The following PCSK2 variants were observed in gnomAD, a reference collection of about 807,000 sequenced individuals.
The protein encoded by PCSK2 is proprotein convertase subtilisin/kexin type 2.
A neutral mutation model predicts 69.7 loss-of-function variants in PCSK2; 14 were observed. That is an observed-to-expected ratio of 0.20 (90% CI 0.13 to 0.31). PCSK2 has a LOEUF of 0.31. Among genes scored for constraint, PCSK2 ranks in the 10% least tolerant of loss-of-function variants. The probability of loss-of-function intolerance (pLI) is 1.00; values close to 1 mark genes in which losing one functional copy is unlikely to be tolerated. For synonymous variants in PCSK2, 307 were observed against 320.7 expected (o/e 0.96, Z 0.46); for missense variants, 544 against 842.5 (o/e 0.65, Z 4.39).
intron 2 of PCSK2, among the ~76,000 whole-genome samples, chr20:17,273,994 C>T (rs1033502024): frequency 6.6e-5 from 10 of 152,144 alleles, no homozygotes; most frequent in African/African-American, 2.4e-4. Flanking sequence ...CACCCATTAG[C>T]GAGAACTAGG....
At chr20:17,433,814 C>CTCTCTCTCTCTCG (rs1555795288) in intron 7 of PCSK2, among the ~76,000 whole-genome samples, 1 of 70,840 alleles carries the variant, frequency 1.4e-5, no homozygotes, top group Admixed American at 1.6e-4. Flanking sequence ...TCTCTCTCTC[C>CTCTCTCTCTCTCG]CCCCACTTCC....
intron 2 of PCSK2, among the ~76,000 whole-genome samples, chr20:17,310,956 C>T (rs1033243482): frequency 6.8e-6 from 1 of 147,134 alleles, no homozygotes; most frequent in South Asian, 2.2e-4. Context: ...GAGCCAAGAT[C>T]GCACCACTGC....
Position 17,268,997 on chromosome 20 carries a change from C to T in PCSK2, c.282+8653C>T, listed in dbSNP as rs115304284. Among the ~76,000 whole-genome samples, 252 of 152,228 alleles carry T rather than the reference C, an allele frequency of 1.7e-3. 1 individual carries two copies. Among genetic ancestry groups the T allele is most frequent in the African/African-American group, 5.8e-3 (240 of 41,534 alleles). On this transcript the variant is annotated intron_variant, in intron 2 of 11. Transcript: ENST00000262545. The stretch of plus-strand genomic sequence containing the variant: ...GCAAAGGTGACTCCTAAGTTGTTGG[C>T]CTGCATTACTATAGAATGAAATGGC...
At chr20:17,473,464 C>G (rs981910044) in intron 11 of PCSK2, among the ~76,000 whole-genome samples, 2 of 152,226 alleles carry the variant, frequency 1.3e-5, no homozygotes, top group Non-Finnish European at 1.5e-5. Context: ...GGCCTGGAAA[C>G]TAACACCCTG....
At chr20:17,332,350 G>C (rs1028228282) in intron 2 of PCSK2, among the ~76,000 whole-genome samples, 2 of 152,098 alleles carry the variant, frequency 1.3e-5, no homozygotes, top group Non-Finnish European at 2.9e-5. Flanking sequence ...CCTCCTGAGT[G>C]GGAGTTGGAG....
intron 1 of PCSK2, among the ~76,000 whole-genome samples, chr20:17,246,524 G>A (rs776426657): frequency 1.2e-4 from 19 of 152,088 alleles, no homozygotes; most frequent in Non-Finnish European, 1.3e-4. Context: ...ACGTAAAAAG[G>A]AGAATGTAAA....
chr20:17,451,915 C>CTT (rs34323701), intron 8 of PCSK2, among the ~76,000 whole-genome samples: 7,784 of 101,510 alleles, frequency 0.077, 643 homozygotes, highest in African/African-American at 0.17. Context: ...TTGTACTTTG[C>CTT]TTTTTTTTTT....
intron 6 of PCSK2, among the ~76,000 whole-genome samples, chr20:17,416,591 A>C (rs1476568374): frequency 6.6e-6 from 1 of 152,238 alleles, no homozygotes; most frequent in Non-Finnish European, 1.5e-5. Context: ...AAATTGGTTC[A>C]ACCATTGTGG....
intron 1 of PCSK2, among the ~76,000 whole-genome samples, chr20:17,259,484 G>A (rs1987297441): frequency 6.6e-6 from 1 of 152,154 alleles, no homozygotes; most frequent in Non-Finnish European, 1.5e-5. Context: ...TAACAGACCT[G>A]AGCCACATCC....
At chr20:17,277,293 G>T (rs1225957088) in intron 2 of PCSK2, among the ~76,000 whole-genome samples, 2 of 152,152 alleles carry the variant, frequency 1.3e-5, no homozygotes, top group Admixed American at 1.3e-4. Context: ...AAAGCTGGAG[G>T]CATCACGCTA....
intron 2 of PCSK2, among the ~76,000 whole-genome samples, chr20:17,335,462 T>TGTGTGTGTGTGTGTGTGTGTG (rs1555789125): frequency 4.0e-5 from 6 of 151,124 alleles, no homozygotes; most frequent in South Asian, 2.1e-4. Flanking sequence ...TGTGTGTGTG[T>TGTGTGTGTGTGTGTGTGTGTG]TCCTTGTCTA....
intron 2 of PCSK2, among the ~76,000 whole-genome samples, chr20:17,264,103 T>A (rs1987499154): frequency 6.6e-6 from 1 of 152,156 alleles, no homozygotes; most frequent in Non-Finnish European, 1.5e-5. Flanking sequence ...TAAGATAATA[T>A]TTGCTTCCCA....
rs994326755 is a variant in PCSK2 at position 17,482,132 on chromosome 20, C to A, written c.*62C>A. On this transcript the variant is annotated 3_prime_UTR_variant, in exon 12 of 12. Coordinates refer to ENST00000262545, the MANE Select transcript of PCSK2 (RefSeq NM_002594.5). The stretch of plus-strand genomic sequence containing the variant: ...CAGCTCCGCCTCTGTCCTCGCTCCA[C>A]GTTTCAGGCAGGCACCTAGCAATTC... 3 of 1,476,562 alleles carry A rather than the reference C, an allele frequency of 2.0e-6. No homozygotes were observed. The African/African-American group carries it at 4.2e-5, about 21-fold the overall frequency. 91.5% of individuals were successfully genotyped at this position (1,476,562 alleles called of 1,614,324 possible).
At chr20:17,447,926 T>C (rs924814433) in intron 8 of PCSK2, among the ~76,000 whole-genome samples, 7 of 152,220 alleles carry the variant, frequency 4.6e-5, no homozygotes, top group African/African-American at 1.7e-4. Flanking sequence ...AGCCCGTTCT[T>C]ATACTTTGCA....
intron 1 of PCSK2, among the ~76,000 whole-genome samples, chr20:17,231,967 A>G (rs892209172): frequency 3.3e-5 from 5 of 152,186 alleles, no homozygotes; most frequent in African/African-American, 1.2e-4. Context: ...CTTCAGGAAG[A>G]GCCCACTCTC....
intron 9 of PCSK2, 51 bp from the exon 10 acceptor site, chr20:17,456,297 G>A (rs767067836): frequency 1.8e-5 from 18 of 977,014 alleles, no homozygotes; most frequent in Non-Finnish European, 3.0e-5. Flanking sequence ...TTGTGCGGGG[G>A]TTCAAAATAG....
chr20:17,270,738 C>T (rs1043869598), intron 2 of PCSK2, among the ~76,000 whole-genome samples: 6 of 151,820 alleles, frequency 4.0e-5, no homozygotes, highest in Non-Finnish European at 8.8e-5. Context: ...CTTCTCCCAA[C>T]AGAAGCAAAG....
intron 6 of PCSK2, among the ~76,000 whole-genome samples, chr20:17,425,465 C>CT (rs34533465): frequency 6.6e-6 from 1 of 152,190 alleles, no homozygotes; most frequent in Non-Finnish European, 1.5e-5. Flanking sequence ...CCCAACATCT[C>CT]TTTTTGTGGG....
intron 1 of PCSK2, among the ~76,000 whole-genome samples, chr20:17,241,034 C>A (rs1270463758): frequency 6.6e-6 from 1 of 152,166 alleles, no homozygotes; most frequent in African/African-American, 2.4e-5. Flanking sequence ...TTTCTAGGAT[C>A]AGTTCGCGCT....
Sources: allele counts gnomAD v4.1 joint callset (sites outside exome capture counted in the v4.1 genomes callset), GRCh38; gene constraint gnomAD v4.1.1; transcripts MANE v1.5; gene names NCBI Gene and HGNC (gene_info 2026-07-23, HGNC 2026-07-21).